Variants in ACACB observed in about 807,000 individuals in gnomAD.
ACACB encodes acetyl-CoA carboxylase beta.
ACACB carries 209 observed loss-of-function variants against 278.8 expected under a neutral mutation model. The ratio of observed to expected loss-of-function variants is 0.75; its 90% CI spans 0.67 to 0.84. The LOEUF is 0.84. ACACB is among the 40% of genes least tolerant of loss of function. The pLI, the probability that ACACB is intolerant of heterozygous loss-of-function variation, is 0.00. For synonymous variants in ACACB, 1,174 were observed against 1,285.6 expected, an observed-to-expected ratio of 0.91 and a Z score of 1.86; for missense variants, 2,850 against 3,269.0, an observed-to-expected ratio of 0.87 and a Z score of 3.13.
chr12:109,191,374 G>A (rs959877845), intron 13 of ACACB: 8 of 390,968 alleles, frequency 2.0e-5, no homozygotes, highest in Non-Finnish European at 3.4e-5. Flanking sequence ...CCACCATGCT[G>A]AGCTAAGTTT....
intron 49 of ACACB, chr12:109,264,017 G>C: frequency 1.8e-6 from 1 of 553,484 alleles, no homozygotes; most frequent in Non-Finnish European, 3.2e-6. Flanking sequence ...GGCCTGGGGT[G>C]GGGGCCAGGC....
In ACACB at chr12:109,265,210, G is replaced by A; in HGVS notation, c.7043G>A (p.Gly2348Glu). The A allele has an allele frequency of 1.2e-6, 2 of 1,613,734 alleles. No homozygotes were observed. Among genetic ancestry groups the A allele is most frequent in the Non-Finnish European group, 1.7e-6 (2 of 1,180,036 alleles). Residue 2348 changes from glycine to glutamate, a missense_variant, in exon 51 of 53, where the codon GGG becomes GAG. Coordinates refer to ENST00000338432, the MANE Select transcript of ACACB (RefSeq NM_001093.4). ...AAGCAGGAGATCCTGCAGGCCAGCG[G>A]GGAGCTGAGTCACGTGCATATCCAG... is the stretch of plus-strand genomic sequence containing the variant. Reference protein sequence around the residue: ...QVKQEILQASGELSHVHIQSM... With the variant: ...QVKQEILQASEELSHVHIQSM...
chr12:109,145,432 A>G (rs2043217828), intron 2 of ACACB, among the ~76,000 whole-genome samples: 1 of 152,050 alleles, frequency 6.6e-6, no homozygotes, highest in Non-Finnish European at 1.5e-5. Flanking sequence ...CTATTAGGTA[A>G]TTTGTCATTC....
At chr12:109,179,668 T>A (rs1166303157) in intron 10 of ACACB, among the ~76,000 whole-genome samples, 1 of 151,918 alleles carries the variant, frequency 6.6e-6, no homozygotes, top group African/African-American at 2.4e-5. Flanking sequence ...AAAAAAAAAT[T>A]TTTGTAGAGA....
At chr12:109,209,866 C>CAT (rs1565924825) in intron 21 of ACACB, among the ~76,000 whole-genome samples, 2 of 129,868 alleles carry the variant, frequency 1.5e-5, no homozygotes, top group African/African-American at 6.8e-5. Flanking sequence ...TGTATATACA[C>CAT]ACATACACAC....
At chr12:109,166,748 A>AG in intron 2 of ACACB, 113 bp from the exon 3 acceptor site, 4 of 1,327,608 alleles carry the variant, frequency 3.0e-6, no homozygotes, top group Admixed American at 2.1e-5. Flanking sequence ...AGTGCAAAGC[A>AG]GGGGGGCTCT....
intron 37 of ACACB, 61 bp downstream of exon 37, chr12:109,242,653 C>A: frequency 6.4e-7 from 1 of 1,567,966 alleles, no homozygotes; most frequent in Non-Finnish European, 8.7e-7. Context: ...CCACCAGAAC[C>A]AAAGCCCATC....
Position 109,175,928 on chromosome 12 carries a change from C to G in ACACB, c.1217-3C>G. ...GGAATCAGGTTTCTTTGTGACTCTC[C>G]AGGCCTGACAGTGGAGTGGACAGAA... On this transcript the variant is annotated splice_region_variant and splice_polypyrimidine_tract_variant and intron_variant, in intron 7 of 52. Coordinates refer to ENST00000338432, the MANE Select transcript of ACACB (RefSeq NM_001093.4). 1 of 1,613,686 alleles carries G rather than the reference C, an allele frequency of 6.2e-7. No homozygotes were observed.
At position 109,139,751 on chromosome 12, in the gene ACACB, C is replaced by G; in HGVS notation, c.346C>G (p.Gln116Glu). ...TGACGCAGCACCCTCCCCAGAGCTT[C>G]AAGCCAACGGGACTGGGACACAAGG... is the stretch of plus-strand genomic sequence containing the variant. ...SSDAAPSPEL[Q>E]ANGTGTQGLE... The change falls in exon 2 of 53, where the codon CAA becomes GAA. Residue 116 changes from glutamine (Q) to glutamate (E), a missense_variant. Gln to Glu is a conservative substitution (Grantham distance 29). Coordinates refer to ENST00000338432, the MANE Select transcript of ACACB (RefSeq NM_001093.4). The G allele has an allele frequency of 2.5e-6, 4 of 1,614,200 alleles. No individual in the cohort carries two copies. The highest frequency in any genetic ancestry group is 3.4e-6 in the Non-Finnish European group (4 of 1,180,042).
At chr12:109,189,330 A>G (rs2044779612) in intron 13 of ACACB, among the ~76,000 whole-genome samples, 1 of 152,142 alleles carries the variant, frequency 6.6e-6, no homozygotes, top group Admixed American at 6.5e-5. Context: ...TTAGTGAAAA[A>G]TCAAGATCCT....
chr12:109,140,887 A>ATTCTT (rs2043106161), intron 2 of ACACB, among the ~76,000 whole-genome samples: 1 of 101,762 alleles, frequency 9.8e-6, no homozygotes, highest in Non-Finnish European at 2.0e-5. Context: ...TGATTCATTC[A>ATTCTT]TTCTTTTTTT....
At chr12:109,162,808 C>T (rs537260020) in intron 2 of ACACB, among the ~76,000 whole-genome samples, 1 of 152,278 alleles carries the variant, frequency 6.6e-6, no homozygotes, top group Admixed American at 6.5e-5. Context: ...GCACTCCTAC[C>T]TCACCCTACA....
At chr12:109,231,450 G>A (rs2046468253) in intron 28 of ACACB, among the ~76,000 whole-genome samples, 1 of 152,110 alleles carries the variant, frequency 6.6e-6, no homozygotes, top group Non-Finnish European at 1.5e-5. Flanking sequence ...GTCATTCTGT[G>A]AGTGGCATTC....
chr12:109,164,396 A>G (rs1345001270), intron 2 of ACACB, among the ~76,000 whole-genome samples: 1 of 151,608 alleles, frequency 6.6e-6, no homozygotes, highest in African/African-American at 2.4e-5. Context: ...CTGTGTCTGG[A>G]TAACTTCTGT....
In ACACB at chr12:109,258,302, G is replaced by T; in HGVS notation, c.6298G>T (p.Glu2100Ter). ...GGIPVGVIAV[E>*]TRTVEVAVPA... is the part of the protein sequence containing the mutation. ...GATTCCCGTGGGAGTGATTGCTGTG[G>T]AGACACGGACTGTGGAGGTGGCAGT... The change falls in exon 46 of 53, where the codon GAG (glutamate) becomes TAG (stop). Residue 2100 changes from glutamate (E) to a stop codon, truncating the protein, a stop_gained. Coordinates refer to ENST00000338432, the MANE Select transcript of ACACB (RefSeq NM_001093.4). LOFTEE classifies it high-confidence loss of function. 6.2e-7 allele frequency: 1 copy of T among 1,612,832 alleles called. No individual in the cohort carries two copies.
At chr12:109,143,008 A>G (rs960263678) in intron 2 of ACACB, among the ~76,000 whole-genome samples, 4 of 152,174 alleles carry the variant, frequency 2.6e-5, no homozygotes, top group African/African-American at 9.7e-5. Context: ...GGCAGGAGGG[A>G]CAGAGGGATC....
In ACACB at chr12:109,139,868, G is replaced by A. The variant is rs2043058448; in HGVS notation, c.463G>A (p.Ala155Thr). The A allele has an allele frequency of 6.2e-6, 10 of 1,614,192 alleles. No homozygotes were observed. Among genetic ancestry groups the A allele is most frequent in the South Asian group, 3.3e-5 (3 of 91,088 alleles). The change falls in exon 2 of 53, where the codon GCA becomes ACA. Residue 155 changes from alanine to threonine, a missense_variant. Around this residue, in one of 3 missense-constraint regions of ACACB, gnomAD observed 2,265 missense variants for 2,561.3 expected, o/e 0.88. Transcript: ENST00000338432. ...GSPSKEDKKQ[A>T]NIKRQLMTNF... ...CCCCTCCAAAGAAGACAAGAAGCAG[G>A]CAAACATCAAGAGGCAGCTGATGAC...
chr12:109,225,295 C>T (rs4766583), intron 27 of ACACB, among the ~76,000 whole-genome samples: 54,792 of 152,084 alleles, frequency 0.36, 10,522 homozygotes, highest in African/African-American at 0.5. Flanking sequence ...GCTTGACTTA[C>T]AGTTACTTTT....
intron 39 of ACACB, 90 bp from the exon 40 acceptor site, chr12:109,247,516 C>A: frequency 1.2e-6 from 1 of 833,828 alleles, no homozygotes; most frequent in Non-Finnish European, 2.0e-6. Context: ...TATTAACATC[C>A]ATCCCTACGA....
Sources: allele counts gnomAD v4.1 joint callset (sites outside exome capture counted in the v4.1 genomes callset), GRCh38; gene constraint gnomAD v4.1.1; regional missense constraint gnomAD v4.1.1; transcripts MANE v1.5; gene names NCBI Gene and HGNC (gene_info 2026-07-23, HGNC 2026-07-21).